The following FERRY3 variants were observed in gnomAD, a reference collection of about 807,000 sequenced individuals.
The protein encoded by FERRY3 is FERRY endosomal RAB5 effector complex subunit 3, also known as protein C12orf4.
chr12:4,496,389 G>A, the FERRY3 span, among the ~76,000 whole-genome samples: 1 of 152,290 alleles, frequency 6.6e-6, no homozygotes, highest in South Asian at 2.1e-4. Context: ...AGACAACATA[G>A]TGGGCCAGGT....
At chr12:4,496,861 T>C in the FERRY3 span, among the ~76,000 whole-genome samples, 1 of 152,214 alleles carries the variant, frequency 6.6e-6, no homozygotes, top group Admixed American at 6.5e-5. Flanking sequence ...CTTGAAACAC[T>C]TGTGTTAATA....
chr12:4,527,204 T>A, the FERRY3 span, among the ~76,000 whole-genome samples: 1 of 152,124 alleles, frequency 6.6e-6, no homozygotes, highest in African/African-American at 2.4e-5. Context: ...TAAAGAAATA[T>A]CTAGAATCTG....
chr12:4,500,013 G>T, the FERRY3 span: 2 of 846,106 alleles, frequency 2.4e-6, no homozygotes, highest in Non-Finnish European at 3.6e-6. Flanking sequence ...CTACTAACCA[G>T]ATCGGAGATG....
At chr12:4,489,366 T>C in the FERRY3 span, 1 of 153,208 alleles carries the variant, frequency 6.5e-6, no homozygotes, top group African/African-American at 2.4e-5. Context: ...TTGCAATGTA[T>C]ATTTCAGTGC....
chr12:4,491,257 A>T, the FERRY3 span: 2 of 1,587,042 alleles, frequency 1.3e-6, no homozygotes, highest in East Asian at 4.5e-5. Context: ...ACAAAACATA[A>T]GATATGTTTT....
the FERRY3 span, among the ~76,000 whole-genome samples, chr12:4,515,884 CTG>C: frequency 6.6e-6 from 1 of 152,092 alleles, no homozygotes; most frequent in African/African-American, 2.4e-5. Flanking sequence ...TTTACAATAT[CTG>C]TGTACATTGA....
At chr12:4,491,244 G>A in the FERRY3 span, 93 of 1,608,494 alleles carry the variant, frequency 5.8e-5, no homozygotes, top group Middle Eastern at 9.9e-4. Flanking sequence ...CCTAAAAACA[G>A]AAACAAAACA....
the FERRY3 span, chr12:4,525,216 G>A: frequency 6.3e-7 from 1 of 1,589,762 alleles, no homozygotes; most frequent in African/African-American, 1.4e-5. Context: ...TACTAACAAT[G>A]GACTACTATA....
At chr12:4,489,871 A>C in the FERRY3 span, 1 of 1,610,266 alleles carries the variant, frequency 6.2e-7, no homozygotes, top group Non-Finnish European at 8.5e-7. Flanking sequence ...CATGTTACTA[A>C]GTTGATAAAA....
At chr12:4,501,001 C>T in the FERRY3 span, among the ~76,000 whole-genome samples, 1 of 152,134 alleles carries the variant, frequency 6.6e-6, no homozygotes, top group Non-Finnish European at 1.5e-5. Context: ...TTTACGTGCC[C>T]TAAATCTGCT....
chr12:4,536,650 T>C, the FERRY3 span, among the ~76,000 whole-genome samples: 2 of 152,068 alleles, frequency 1.3e-5, no homozygotes, highest in African/African-American at 4.8e-5. Flanking sequence ...GTTGTGGTCA[T>C]GAGATCCGAC....
chr12:4,488,127 G>A, the FERRY3 span: 4 of 152,052 alleles, frequency 2.6e-5, no homozygotes, highest in Non-Finnish European at 4.4e-5. This position sits in a 1 kb window ranked among gnomAD's most constrained non-coding sequence, Gnocchi z 4.9. Flanking sequence ...TGTGGAAAAC[G>A]GACATTCGAT....
chr12:4,508,742 T>C, the FERRY3 span: 3 of 146,804 alleles, frequency 2.0e-5, no homozygotes, highest in Non-Finnish European at 4.4e-5. Context: ...AGACTCTGTC[T>C]CAAAAAAAAA....
the FERRY3 span, chr12:4,489,863 T>C: frequency 1.2e-6 from 2 of 1,610,994 alleles, no homozygotes; most frequent in African/African-American, 1.3e-5. Context: ...TGGGGAAGCA[T>C]GTTACTAAGT....
the FERRY3 span, chr12:4,488,295 C>T: frequency 6.6e-6 from 1 of 152,228 alleles, no homozygotes. This position sits in a 1 kb window ranked among gnomAD's most constrained non-coding sequence, Gnocchi z 4.9. Flanking sequence ...TTTGCTCCTC[C>T]ATTCCGATAT....
At chr12:4,510,708 C>T in the FERRY3 span, among the ~76,000 whole-genome samples, 1 of 148,692 alleles carries the variant, frequency 6.7e-6, no homozygotes, top group Non-Finnish European at 1.5e-5. Flanking sequence ...GAGATTTTGT[C>T]ACCACCAGGC....
the FERRY3 span, among the ~76,000 whole-genome samples, chr12:4,529,034 GT>G: frequency 2.0e-5 from 3 of 151,838 alleles, no homozygotes; most frequent in African/African-American, 4.8e-5. Flanking sequence ...TTAAATAAGT[GT>G]TTTTAAGATA....
the FERRY3 span, chr12:4,505,226 A>G: frequency 1.1e-6 from 1 of 877,168 alleles, no homozygotes; most frequent in African/African-American, 1.7e-5. Flanking sequence ...TAGATTTAAA[A>G]CATAAATTCC....
chr12:4,495,534 A>G, the FERRY3 span, among the ~76,000 whole-genome samples: 10 of 152,330 alleles, frequency 6.6e-5, 1 homozygote, highest in South Asian at 1.7e-3. Context: ...GTAAGCATAG[A>G]GCTTATTGAA....
Sources: gnomAD v4.1 joint callset for allele counts (sites outside exome capture counted in the v4.1 genomes callset) on GRCh38, gnomAD v4.1.1 for gene constraint, Gnocchi (gnomAD v3.1) non-coding constraint, MANE v1.5 for transcripts, NCBI Gene and HGNC (gene_info 2026-07-23, HGNC 2026-07-21) for gene names.